SHISAL1: variants seen among roughly 807,000 people sequenced by gnomAD.
SHISAL1 encodes the protein protein shisa-like-1.
In SHISAL1, 9 loss-of-function variants were observed where a neutral mutation model predicts 22.6. The observed-to-expected ratio is 0.40, with a 90% CI of 0.24 to 0.70. The LOEUF is 0.70. SHISAL1 is among the 30% of genes least tolerant of loss of function. The probability of loss-of-function intolerance (pLI) is 0.39; values close to 1 mark genes in which losing one functional copy is unlikely to be tolerated. For missense variants in SHISAL1, 246 were observed against 270.6 expected, an observed-to-expected ratio of 0.91 and a Z score of 0.64; for synonymous variants, 119 against 115.4, an observed-to-expected ratio of 1.03 and a Z score of -0.20.
In SHISAL1 at chr22:44,249,434, A is replaced by C; in HGVS notation, c.*251T>G. 1 of 448,246 alleles carries C rather than the reference A, an allele frequency of 2.2e-6. No homozygotes were observed. The highest frequency in any genetic ancestry group is 4.0e-6 in the Non-Finnish European group (1 of 248,426). 27.8% of individuals were successfully genotyped at this position (448,246 alleles called of 1,614,324 possible). ...GTCACCTCTCAGAAGCCACCAGCCC[A>C]AAATAGGACTATTGCTTGCGGACAG... On this transcript the variant is annotated 3_prime_UTR_variant, in exon 5 of 5. Transcript: ENST00000381176.
intron 4 of SHISAL1, among the ~76,000 whole-genome samples, chr22:44,256,045 A>C (rs2055082119): frequency 6.6e-6 from 1 of 152,184 alleles, no homozygotes; most frequent in African/African-American, 2.4e-5. Context: ...AATTCATGCT[A>C]TCTCTGCCTG....
In SHISAL1 at chr22:44,246,437, T is replaced by A. The variant is rs1307981670; in HGVS notation, c.*3248A>T. On this transcript the variant is annotated 3_prime_UTR_variant, in exon 5 of 5. Coordinates refer to ENST00000381176, the MANE Select transcript of SHISAL1 (RefSeq NM_001099294.2). ...AGAAGCTCACAGTAAAAAGTAAAAG[T>A]AGGCAGCTTAAAAAATCAGGTTGAG... 6.6e-6 allele frequency: 1 copy of A among 152,128 alleles called. No homozygotes were observed. Among genetic ancestry groups the A allele is most frequent in the Non-Finnish European group, 1.5e-5 (1 of 68,028 alleles). The allele number at this position is 152,128 out of a possible 1,614,324, so 9.4% of individuals were successfully genotyped here. A position where few individuals can be genotyped will look rare whatever the true frequency, so the allele number is the denominator to read the frequency against.
At chr22:44,298,082 G>A (rs2055400172) in intron 2 of SHISAL1, among the ~76,000 whole-genome samples, 2 of 152,232 alleles carry the variant, frequency 1.3e-5, no homozygotes, top group Non-Finnish European at 2.9e-5. Context: ...TTCCCCCACA[G>A]ACAGCACCCT....
chr22:44,297,931 A>C (rs1260113219), intron 2 of SHISAL1, among the ~76,000 whole-genome samples: 1 of 152,186 alleles, frequency 6.6e-6, no homozygotes, highest in East Asian at 1.9e-4. Context: ...ACTGCAGCCC[A>C]CACAGCTCCC....
At chr22:44,305,634 GCACACCCCGTGGT>G (rs1569226089) in intron 1 of SHISAL1, among the ~76,000 whole-genome samples, 1 of 152,226 alleles carries the variant, frequency 6.6e-6, no homozygotes, top group Admixed American at 6.5e-5. Context: ...GGGCCCTCAG[GCACACCCCGTGGT>G]CATGTGGATT....
the SHISAL1 span, among the ~76,000 whole-genome samples, chr22:44,329,936 G>A: frequency 6.6e-6 from 1 of 152,210 alleles, no homozygotes; most frequent in Non-Finnish European, 1.5e-5. Flanking sequence ...GCAAGGTTTG[G>A]ACAATCAGAA....
Position 44,303,741 on chromosome 22 carries a change from G to T in SHISAL1, c.-32-2764C>A, listed in dbSNP as rs56108898. Among the ~76,000 whole-genome samples, 41 of 152,062 alleles carry T rather than the reference G, an allele frequency of 2.7e-4. 1 individual carries two copies. Among genetic ancestry groups the T allele is most frequent in the Non-Finnish European group, 7.4e-5 (5 of 67,994 alleles). On this transcript the variant is annotated intron_variant, in intron 1 of 4. Coordinates refer to ENST00000381176, the MANE Select transcript of SHISAL1 (RefSeq NM_001099294.2). ...TGGAAGGGCTGGGTTGGGTCCACAC[G>T]AGGAAGCTCACCTGCATACTTGGGG...
chr22:44,296,543 G>T, intron 3 of SHISAL1, 129 bp downstream of exon 3: 1 of 737,136 alleles, frequency 1.4e-6, no homozygotes, highest in South Asian at 1.7e-5. Flanking sequence ...GACTCTCCCA[G>T]ACTCCTTCCA....
chr22:44,264,984 C>A (rs11913926), intron 4 of SHISAL1, among the ~76,000 whole-genome samples: 8,636 of 151,590 alleles, frequency 0.057, 640 homozygotes, highest in East Asian at 0.18. Flanking sequence ...ACAACCAGAT[C>A]CCTTAACACA....
the SHISAL1 span, among the ~76,000 whole-genome samples, chr22:44,327,565 G>T: frequency 2.6e-5 from 4 of 152,170 alleles, no homozygotes; most frequent in African/African-American, 9.7e-5. Flanking sequence ...CGTTAAACAG[G>T]TTGGCTGGAA....
rs535965674 is a variant in SHISAL1 at position 44,287,518 on chromosome 22, G to A, written c.282-1773C>T. On this transcript the variant is annotated intron_variant, in intron 3 of 4. Transcript: ENST00000381176. ...TTGTAGCTGTAATCCCACAGCTCCC[G>A]GTCACTGTGCGTCCTTGCTGCCTCC... Among the ~76,000 whole-genome samples, 206 of 152,214 alleles carry A rather than the reference G, an allele frequency of 1.4e-3. 1 individual carries two copies. The highest frequency in any genetic ancestry group is 4.7e-3 in the African/African-American group (195 of 41,540).
intron 2 of SHISAL1, 72 bp from the exon 3 acceptor site, chr22:44,296,957 G>A (rs571230067): frequency 1.6e-6 from 2 of 1,215,026 alleles, no homozygotes; most frequent in African/African-American, 1.5e-5. Flanking sequence ...AGGGGGACTG[G>A]CCGGCCTCTT....
intron 2 of SHISAL1, among the ~76,000 whole-genome samples, chr22:44,299,732 A>G (rs889201754): frequency 6.6e-6 from 1 of 152,342 alleles, no homozygotes; most frequent in Non-Finnish European, 1.5e-5. Flanking sequence ...AGATGGAGAC[A>G]GAGACAGAAA....
At chr22:44,307,192 C>T (rs901920548) in intron 1 of SHISAL1, among the ~76,000 whole-genome samples, 9 of 152,046 alleles carry the variant, frequency 5.9e-5, no homozygotes, top group African/African-American at 2.2e-4. Context: ...GGCTGCTGAC[C>T]GAGGCTGGCT....
chr22:44,283,477 G>A (rs1291458727), intron 4 of SHISAL1, among the ~76,000 whole-genome samples: 3 of 152,294 alleles, frequency 2.0e-5, no homozygotes, highest in Middle Eastern at 3.4e-3. Context: ...GGGGTAGGGT[G>A]GGAACTGCTG....
chr22:44,311,918 C>A (rs1266560477), intron 1 of SHISAL1, among the ~76,000 whole-genome samples: 1 of 152,328 alleles, frequency 6.6e-6, no homozygotes, highest in Non-Finnish European at 1.5e-5. Context: ...CTGGAAATCC[C>A]AGAGGCATTT....
rs1260258909 is a variant in SHISAL1, at chr22:44,245,982, G to A, written c.*3703C>T. The A allele has an allele frequency of 1.3e-5, 2 of 152,274 alleles. No homozygotes were observed. Among genetic ancestry groups the A allele is most frequent in the African/African-American group, 4.8e-5 (2 of 41,462 alleles). The allele number at this position is 152,274 out of a possible 1,614,324, so 9.4% of individuals were successfully genotyped here. A position where few individuals can be genotyped will look rare whatever the true frequency, so the allele number is the denominator to read the frequency against. ...GATCTACCTGTGAAATCACCTGTGT[G>A]TGTGCGCGCATGTGCATGTATGTAC... is the stretch of plus-strand genomic sequence containing the variant. On this transcript the variant is annotated 3_prime_UTR_variant, in exon 5 of 5. Coordinates refer to ENST00000381176, the MANE Select transcript of SHISAL1 (RefSeq NM_001099294.2).
At chr22:44,309,318 G>T (rs2055501304) in intron 1 of SHISAL1, among the ~76,000 whole-genome samples, 1 of 152,210 alleles carries the variant, frequency 6.6e-6, no homozygotes, top group South Asian at 2.1e-4. Context: ...ACGATGATTA[G>T]CAGTGGTAGC....
intron 4 of SHISAL1, among the ~76,000 whole-genome samples, chr22:44,271,868 C>T (rs553650047): frequency 3.3e-5 from 5 of 152,322 alleles, no homozygotes; most frequent in Admixed American, 3.3e-4. Flanking sequence ...CATAAAGGAG[C>T]ATCCTCTGAG....
Sources: allele counts gnomAD v4.1 joint callset (sites outside exome capture counted in the v4.1 genomes callset), GRCh38; gene constraint gnomAD v4.1.1; transcripts MANE v1.5; gene names NCBI Gene and HGNC (gene_info 2026-07-23, HGNC 2026-07-21).